The following HACL1 variants were observed in gnomAD, a reference collection of about 807,000 sequenced individuals.
HACL1 encodes 2-hydroxyacyl-CoA lyase 1.
Under a neutral mutation model 74.2 loss-of-function variants are expected in HACL1, and 64 were observed. The observed-to-expected ratio is 0.86, with a 90% CI of 0.70 to 1.06. The LOEUF (loss-of-function observed/expected upper bound fraction) is 1.06, where lower values mean the gene tolerates loss of function less well. Among genes scored for constraint, HACL1 ranks in the 50% least tolerant of loss-of-function variants. HACL1 has a pLI of 0.00. For missense variants in HACL1, 728 were observed against 719.7 expected, an observed-to-expected ratio of 1.01 and a Z score of -0.13; for synonymous variants, 230 against 238.8, an observed-to-expected ratio of 0.96 and a Z score of 0.34.
rs375823663 is a variant in HACL1, at chr3:15,585,239, A to G, written c.554+9T>C. On this transcript the variant is annotated intron_variant, in intron 7 of 16. Transcript: ENST00000321169. ...TTGAAGAAAGAATTCCAGCATAACT[A>G]TTACTCACTTTATAGAATTCACATT... The G allele has an allele frequency of 4.3e-5, 57 of 1,322,860 alleles. No individual in the cohort carries two copies. In the African/African-American group the frequency reaches 7.2e-4, roughly 17 times the overall value. The allele number at this position is 1,322,860 out of a possible 1,614,324, so 81.9% of individuals were successfully genotyped here. A position where few individuals can be genotyped will look rare whatever the true frequency, so the allele number is the denominator to read the frequency against.
chr3:15,592,284 GTATATGTATACATACGTA>G (rs2063935181), intron 3 of HACL1, among the ~76,000 whole-genome samples: 1 of 146,058 alleles, frequency 6.8e-6, no homozygotes, highest in African/African-American at 2.7e-5. Flanking sequence ...ATACATACGT[GTATATGTATACATACGTA>G]TATATATGTA....
chr3:15,581,957 C>T (rs2063721796), intron 8 of HACL1, among the ~76,000 whole-genome samples: 1 of 152,122 alleles, frequency 6.6e-6, no homozygotes, highest in African/African-American at 2.4e-5. Context: ...AGTTAATATC[C>T]CTATTTTACA....
intron 12 of HACL1, among the ~76,000 whole-genome samples, chr3:15,570,087 A>G (rs1026580389): frequency 6.6e-6 from 1 of 152,166 alleles, no homozygotes; most frequent in Admixed American, 6.5e-5. Flanking sequence ...CTGTAATCCC[A>G]GCACTTTGGG....
intron 2 of HACL1, 30 bp from the exon 3 acceptor site, chr3:15,596,454 A>G: frequency 6.9e-7 from 1 of 1,446,668 alleles, no homozygotes; most frequent in Non-Finnish European, 9.7e-7. Context: ...GGACTTGAGC[A>G]TATTGGGATC....
rs1443596421 is a variant in HACL1 at position 15,596,409 on chromosome 3, A to G, written c.202T>C (p.Ser68Pro). 2.5e-6 allele frequency: 4 copies of G among 1,599,352 alleles called. No individual in the cohort carries two copies. Among genetic ancestry groups the G allele is most frequent in the Non-Finnish European group, 3.4e-6 (4 of 1,166,622 alleles). The change falls in exon 3 of 17, where the codon TCC (serine) becomes CCC (proline). Residue 68 changes from serine to proline, a missense_variant. Physicochemically the swap from Ser to Pro is moderately conservative, Grantham distance 74. Coordinates refer to ENST00000321169, the MANE Select transcript of HACL1 (RefSeq NM_012260.4). ...CTGCTTGTCAGATATCCAATCGCGG[A>G]GGCAGCATAACAAGCCTACGAGAAA... ...RNEQAACYAA[S>P]AIGYLTSRPG...
At position 15,591,660 on chromosome 3, in the gene HACL1, A is replaced by C. The variant is rs745639030; in HGVS notation, c.248T>G (p.Val83Gly). ...GGCATGGATGAGACCTGGGCCAGAA[A>C]CAACAAGGCAGACTCCTGGCCTAAA... is the stretch of plus-strand genomic sequence containing the variant. Reference protein sequence around the residue: ...LTSRPGVCLVVSGPGLIHALG... With the variant: ...LTSRPGVCLVGSGPGLIHALG... Residue 83 changes from valine to glycine, a missense_variant, in exon 4 of 17, where the codon GTT (valine) becomes GGT (glycine). Val to Gly is a moderately radical substitution (Grantham distance 109). Coordinates refer to ENST00000321169, the MANE Select transcript of HACL1 (RefSeq NM_012260.4). 6.2e-7 allele frequency: 1 copy of C among 1,611,502 alleles called. No individual in the cohort carries two copies. The highest frequency in any genetic ancestry group is 1.1e-5 in the South Asian group (1 of 91,002).
At chr3:15,569,898 G>A (rs1351642166) in intron 12 of HACL1, among the ~76,000 whole-genome samples, 1 of 152,022 alleles carries the variant, frequency 6.6e-6, no homozygotes, top group Non-Finnish European at 1.5e-5. Flanking sequence ...GCTGAGGCAG[G>A]AGAATTGCTT....
At chr3:15,592,073 CGTAT>C (rs1299721666) in intron 3 of HACL1, among the ~76,000 whole-genome samples, 1 of 14,176 alleles carries the variant, frequency 7.1e-5, no homozygotes, top group Non-Finnish European at 1.9e-4. Context: ...TACGTATATA[CGTAT>C]ACGTATATAT....
chr3:15,597,554 G>A (rs569939029), intron 2 of HACL1, among the ~76,000 whole-genome samples: 14 of 145,624 alleles, frequency 9.6e-5, no homozygotes, highest in African/African-American at 2.2e-4. Flanking sequence ...AATGAATTGC[G>A]TATTTCCTAG....
Position 15,601,183 on chromosome 3 carries a change from G to A in HACL1, c.93C>T (p.Tyr31=). 2 of 1,611,520 alleles carry A rather than the reference G, an allele frequency of 1.2e-6. No individual in the cohort carries two copies. The highest frequency in any genetic ancestry group is 1.3e-5 in the African/African-American group (1 of 74,964). ...AQALKTQDVE[Y]IFGIVGIPVT... ...CTGGGATGCCTACGATGCCAAATAT[G>A]TACTCCACATCCTGAGGAACGAAGA... Residue 31 remains tyrosine (Y), a synonymous_variant, in exon 2 of 17, where the codon TAC becomes TAT. Transcript: ENST00000321169.
chr3:15,573,522 T>C (rs1285537056), intron 10 of HACL1, among the ~76,000 whole-genome samples: 1 of 152,238 alleles, frequency 6.6e-6, no homozygotes, highest in African/African-American at 2.4e-5. Context: ...ACCTGATCAA[T>C]TATAGTTTTG....
intron 3 of HACL1, among the ~76,000 whole-genome samples, chr3:15,592,172 A>G (rs144035752): frequency 0.019 from 2,512 of 132,686 alleles, 100 homozygotes; most frequent in African/African-American, 0.07. Context: ...GTATACATGC[A>G]TGTATATATG....
At chr3:15,600,399 C>A (rs939825345) in intron 2 of HACL1, among the ~76,000 whole-genome samples, 2 of 152,236 alleles carry the variant, frequency 1.3e-5, no homozygotes, top group Non-Finnish European at 1.5e-5. Context: ...ACCTTTCAAG[C>A]CCGCACTACT....
chr3:15,599,673 AC>A (rs2064145519), intron 2 of HACL1, among the ~76,000 whole-genome samples: 1 of 152,044 alleles, frequency 6.6e-6, no homozygotes, highest in Admixed American at 6.6e-5. Context: ...AGAACCAGTC[AC>A]CCCTTCTGTG....
chr3:15,565,360 T>C (rs2125226548), intron 14 of HACL1, among the ~76,000 whole-genome samples: 1 of 152,294 alleles, frequency 6.6e-6, no homozygotes, highest in South Asian at 2.1e-4. Flanking sequence ...TTCTATTTAC[T>C]GAGCTCCCCA....
Position 15,598,722 on chromosome 3 carries a change from C to T in HACL1, c.187-2298G>A, listed in dbSNP as rs146001301. Among the ~76,000 whole-genome samples, 344 of 152,340 alleles carry T rather than the reference C, an allele frequency of 2.3e-3. 2 individuals carry two copies. The highest frequency in any genetic ancestry group is 7.3e-3 in the African/African-American group (302 of 41,574). ...CACCCAACTACATCTTTCTCTTTATCACAAACATGTCCTGAATGCCTTAGC... is the reference window on the plus strand; with the variant it reads ...CACCCAACTACATCTTTCTCTTTATTACAAACATGTCCTGAATGCCTTAGC... On this transcript the variant is annotated intron_variant, in intron 2 of 16. Transcript: ENST00000321169.
In HACL1 at chr3:15,585,219, G is replaced by A. The variant is rs775091035; in HGVS notation, c.554+29C>T. 67 of 1,083,974 alleles carry A rather than the reference G, an allele frequency of 6.2e-5. 1 individual carries two copies. Among genetic ancestry groups the A allele is most frequent in the Non-Finnish European group, 1.0e-5 (7 of 698,166 alleles). The allele number at this position is 1,083,974 out of a possible 1,614,324, so 67.1% of individuals were successfully genotyped here. Reference sequence around the variant, plus strand: ...ATTATGATAATACATGTACATTGAAGAAAGAATTCCAGCATAACTATTACT... The same window carrying A: ...ATTATGATAATACATGTACATTGAAAAAAGAATTCCAGCATAACTATTACT... On this transcript the variant is annotated intron_variant, in intron 7 of 16. Transcript: ENST00000321169.
At chr3:15,585,776 G>A (rs1298235220) in intron 6 of HACL1, among the ~76,000 whole-genome samples, 1 of 152,152 alleles carries the variant, frequency 6.6e-6, no homozygotes, top group Non-Finnish European at 1.5e-5. Flanking sequence ...ACGTATAAAT[G>A]CTGATTATAA....
intron 12 of HACL1, 110 bp from the exon 13 acceptor site, chr3:15,568,696 A>G: frequency 1.5e-6 from 1 of 682,992 alleles, no homozygotes; most frequent in Non-Finnish European, 2.5e-6. Context: ...ACTACAAGCT[A>G]CAAGGTTTCC....
Sources: allele counts gnomAD v4.1 joint callset (sites outside exome capture counted in the v4.1 genomes callset), GRCh38; gene constraint gnomAD v4.1.1; transcripts MANE v1.5; gene names NCBI Gene and HGNC (gene_info 2026-07-23, HGNC 2026-07-21).